The following PPFIA2 variants were observed in gnomAD, a reference collection of about 807,000 sequenced individuals.
PPFIA2 encodes the protein liprin-alpha-2.
A neutral mutation model predicts 175.5 loss-of-function variants in PPFIA2; 46 were observed. The observed-to-expected ratio is 0.26, with a 90% CI of 0.21 to 0.34. The LOEUF (loss-of-function observed/expected upper bound fraction) is 0.34. Ranked by LOEUF, PPFIA2 falls within the 10% of genes least tolerant of loss-of-function variation. The pLI, the probability that PPFIA2 is intolerant of heterozygous loss-of-function variation, is 1.00. For missense variants in PPFIA2, 1,179 were observed against 1,506.1 expected (o/e 0.78, Z 3.60); for synonymous variants, 568 against 511.4 (o/e 1.11, Z -1.49).
intron 4 of PPFIA2, chr12:81,465,320 T>C (rs1418592916): frequency 6.6e-6 from 1 of 152,000 alleles, no homozygotes; most frequent in South Asian, 2.1e-4. Context: ...AAATGGTGAG[T>C]TGGAATTCAG....
chr12:81,296,194 C>T (rs1047082368), intron 23 of PPFIA2, among the ~76,000 whole-genome samples: 2 of 152,006 alleles, frequency 1.3e-5, no homozygotes, highest in African/African-American at 4.8e-5. Flanking sequence ...TGGCAGATGC[C>T]TGTAATTCCA....
chr12:81,366,635 CAGTT>C (rs1566480304), intron 14 of PPFIA2, among the ~76,000 whole-genome samples: 2 of 151,716 alleles, frequency 1.3e-5, no homozygotes, highest in East Asian at 3.9e-4. Context: ...TCTCTCTCCT[CAGTT>C]AGATTTTTTT....
chr12:81,511,495 T>C (rs1277171922), intron 4 of PPFIA2, among the ~76,000 whole-genome samples: 1 of 152,064 alleles, frequency 6.6e-6, no homozygotes, highest in Non-Finnish European at 1.5e-5. Context: ...ATATTTCAAA[T>C]AATAGTACAT....
chr12:81,399,290 C>CAAAA lies in PPFIA2; in HGVS notation c.762+6493_762+6496dup, dbSNP rs543794696. Among the ~76,000 whole-genome samples the CAAAA allele has an allele frequency of 2.0e-3, 85 of 42,008 alleles. 1 individual carries two copies. The highest frequency in any genetic ancestry group is 3.3e-3 in the Non-Finnish European group (70 of 20,990). The allele number at this position is 42,008 out of a possible 152,430, so 27.6% of individuals were successfully genotyped here. ...AAGTCTTTGGAAATATCCTTCTTCA[C>CAAAA]AAAAAAAAAAAAAAAAAAAAAAAAA... On this transcript the variant is annotated intron_variant, in intron 8 of 32. Coordinates refer to ENST00000549396, the MANE Select transcript of PPFIA2 (RefSeq NM_003625.5).
intron 4 of PPFIA2, among the ~76,000 whole-genome samples, chr12:81,529,963 A>G (rs1445952487): frequency 1.3e-5 from 2 of 151,976 alleles, no homozygotes; most frequent in African/African-American, 2.4e-5. Context: ...GTACCCCTGA[A>G]CTTAAAATAA....
intron 4 of PPFIA2, among the ~76,000 whole-genome samples, chr12:81,572,057 T>G (rs928407457): frequency 1.3e-5 from 2 of 152,078 alleles, no homozygotes; most frequent in Non-Finnish European, 2.9e-5. Context: ...ATAACAGATA[T>G]GCAGATCTGT....
intron 4 of PPFIA2, among the ~76,000 whole-genome samples, chr12:81,521,651 CAAAAAAAAAA>C (rs1167533871): frequency 1.1e-5 from 1 of 87,532 alleles, no homozygotes; most frequent in Non-Finnish European, 2.5e-5. Context: ...TAATAAAATA[CAAAAAAAAAA>C]AAAAAAAAAA....
At position 81,267,939 on chromosome 12, in the gene PPFIA2, T is replaced by C; in HGVS notation, c.3459A>G (p.Leu1153=). 6.3e-7 allele frequency: 1 copy of C among 1,597,428 alleles called. No individual in the cohort carries two copies. The highest frequency in any genetic ancestry group is 2.3e-5 in the East Asian group (1 of 44,438). The stretch of plus-strand genomic sequence containing the variant: ...GGGTGTTCTGTGTTGGAATCTGTAA[T>C]AATAAAGCTAAGCTGCTGTAGTCAA... ...ENFDYSSLAL[L]LQIPTQNTQA... The change falls in exon 29 of 33, where the codon TTA becomes TTG. Residue 1153 remains leucine, a synonymous_variant. Transcript: ENST00000549396.
intron 4 of PPFIA2, among the ~76,000 whole-genome samples, chr12:81,592,047 C>A (rs1357375033): frequency 6.6e-6 from 1 of 152,088 alleles, no homozygotes; most frequent in Admixed American, 6.5e-5. Flanking sequence ...ACCATGGGAA[C>A]CCACCTCTTG....
chr12:81,359,218 C>A (rs542518162), intron 15 of PPFIA2, among the ~76,000 whole-genome samples: 1 of 152,022 alleles, frequency 6.6e-6, no homozygotes, highest in African/African-American at 2.4e-5. Context: ...TTCTTGTGAA[C>A]AAAGACAAGC....
chr12:81,426,072 T>TA (rs1443271528), intron 7 of PPFIA2, among the ~76,000 whole-genome samples: 7 of 152,164 alleles, frequency 4.6e-5, no homozygotes, highest in African/African-American at 1.7e-4. Context: ...GAGGGACAGT[T>TA]ATGCCAGTTT....
At chr12:81,584,754 T>C (rs2074933345) in intron 4 of PPFIA2, among the ~76,000 whole-genome samples, 3 of 142,592 alleles carry the variant, frequency 2.1e-5, no homozygotes, top group Admixed American at 1.5e-4. Context: ...CTAAAACATA[T>C]GGTAAATATA....
chr12:81,634,201 T>C (rs1375503681), intron 4 of PPFIA2, among the ~76,000 whole-genome samples: 2 of 152,092 alleles, frequency 1.3e-5, no homozygotes, highest in African/African-American at 4.8e-5. Flanking sequence ...AGTTTGAAGG[T>C]TGGCATCTTT....
chr12:81,648,382 A>T (rs1268393621), intron 4 of PPFIA2, among the ~76,000 whole-genome samples: 1 of 152,056 alleles, frequency 6.6e-6, no homozygotes, highest in African/African-American at 2.4e-5. Flanking sequence ...AATAGTGTAT[A>T]CAGTAAGATT....
intron 4 of PPFIA2, among the ~76,000 whole-genome samples, chr12:81,620,159 C>CAA (rs376856927): frequency 0.069 from 3,679 of 53,614 alleles, 342 homozygotes; most frequent in East Asian, 0.3. Flanking sequence ...CACTCCTTCT[C>CAA]AAAAAAAAAA....
intron 8 of PPFIA2, among the ~76,000 whole-genome samples, chr12:81,386,657 T>C (rs2039042166): frequency 6.6e-6 from 1 of 151,808 alleles, no homozygotes; most frequent in Non-Finnish European, 1.5e-5. Flanking sequence ...TAATGATAAA[T>C]AAAAGTATGC....
intron 22 of PPFIA2, among the ~76,000 whole-genome samples, chr12:81,324,145 G>C (rs2054246691): frequency 6.6e-6 from 1 of 151,880 alleles, no homozygotes; most frequent in South Asian, 2.1e-4. Context: ...CATATTTAAG[G>C]GAAGAATTAG....
chr12:81,380,806 C>T (rs1278673121), intron 9 of PPFIA2, among the ~76,000 whole-genome samples: 2 of 152,102 alleles, frequency 1.3e-5, no homozygotes, highest in African/African-American at 2.4e-5. Context: ...ATTAGCATTG[C>T]CCCTTTTGCC....
intron 9 of PPFIA2, among the ~76,000 whole-genome samples, chr12:81,380,637 A>G (rs897212530): frequency 1.3e-5 from 2 of 151,920 alleles, no homozygotes; most frequent in African/African-American, 2.4e-5. Context: ...TGCTGTGTTG[A>G]TTTTGGAAGC....
Sources: allele counts gnomAD v4.1 joint callset (sites outside exome capture counted in the v4.1 genomes callset), GRCh38; gene constraint gnomAD v4.1.1; transcripts MANE v1.5; gene names NCBI Gene and HGNC (gene_info 2026-07-23, HGNC 2026-07-21).